The following CDH18 variants were observed in gnomAD, a reference collection of about 807,000 sequenced individuals.
CDH18 encodes cadherin-18.
Under a neutral mutation model 67.9 loss-of-function variants are expected in CDH18, and 31 were observed. The ratio of observed to expected loss-of-function variants is 0.46; its 90% CI spans 0.34 to 0.62. CDH18 has a LOEUF of 0.62. Among genes scored for constraint, CDH18 ranks in the 20% least tolerant of loss-of-function variants. CDH18 has a pLI of 0.01. For missense variants in CDH18, 890 were observed against 975.5 expected (o/e 0.91, Z 1.17); for synonymous variants, 362 against 347.2 (o/e 1.04, Z -0.48).
chr5:19,680,192 A>G (rs1371138358), intron 5 of CDH18, among the ~76,000 whole-genome samples: 1 of 152,070 alleles, frequency 6.6e-6, no homozygotes, highest in Non-Finnish European at 1.5e-5. Context: ...TTCCCTATAC[A>G]ATAAATGGTG....
chr5:19,716,311 T>C (rs925984168), intron 5 of CDH18, among the ~76,000 whole-genome samples: 3 of 152,096 alleles, frequency 2.0e-5, no homozygotes, highest in Admixed American at 1.3e-4. Context: ...ATTCTAGAAT[T>C]TGAACACAAA....
At chr5:20,043,820 A>C (rs1467273963) in intron 2 of CDH18, among the ~76,000 whole-genome samples, 1 of 152,204 alleles carries the variant, frequency 6.6e-6, no homozygotes, top group African/African-American at 2.4e-5. Flanking sequence ...TTGGTAAAAA[A>C]TATTTTAAAT....
chr5:19,632,388 CAACTGGATGCATTTAT>C (rs1373875640), intron 5 of CDH18, among the ~76,000 whole-genome samples: 1 of 152,062 alleles, frequency 6.6e-6, no homozygotes, highest in Non-Finnish European at 1.5e-5. Context: ...TTTACAATTC[CAACTGGATGCATTTAT>C]AACCACATTT....
intron 1 of CDH18, among the ~76,000 whole-genome samples, chr5:20,399,088 A>G (rs939397688): frequency 3.3e-5 from 5 of 152,316 alleles, no homozygotes; most frequent in African/African-American, 1.2e-4. Flanking sequence ...TGAACCATGG[A>G]AAGTCTGATC....
chr5:19,681,740 C>T (rs1760358236), intron 5 of CDH18, among the ~76,000 whole-genome samples: 1 of 151,850 alleles, frequency 6.6e-6, no homozygotes, highest in African/African-American at 2.4e-5. Context: ...ATTTTTTTCA[C>T]TTACTGTGCT....
At chr5:20,394,567 A>G (rs1745130275) in intron 1 of CDH18, among the ~76,000 whole-genome samples, 3 of 152,098 alleles carry the variant, frequency 2.0e-5, no homozygotes, top group South Asian at 4.1e-4. Flanking sequence ...TTCAACAAAA[A>G]CAAAAGTAAA....
At chr5:19,496,516 T>C (rs940015884) in intron 11 of CDH18, among the ~76,000 whole-genome samples, 1 of 151,950 alleles carries the variant, frequency 6.6e-6, no homozygotes, top group Non-Finnish European at 1.5e-5. Context: ...AATGCCACAG[T>C]AAAAAGGGCT....
chr5:20,386,741 CAT>C (rs1182494397), intron 1 of CDH18, among the ~76,000 whole-genome samples: 4 of 152,084 alleles, frequency 2.6e-5, no homozygotes, highest in Admixed American at 6.6e-5. Flanking sequence ...GCTGAAAACT[CAT>C]ATGAGTCTTC....
chr5:20,524,888 A>G (rs1363255150), intron 1 of CDH18, among the ~76,000 whole-genome samples: 1 of 152,190 alleles, frequency 6.6e-6, no homozygotes, highest in Non-Finnish European at 1.5e-5. Flanking sequence ...GATATAACCT[A>G]GCCCACAGGA....
intron 3 of CDH18, among the ~76,000 whole-genome samples, chr5:19,802,864 T>C (rs546283758): frequency 6.6e-6 from 1 of 152,192 alleles, no homozygotes; most frequent in Non-Finnish European, 1.5e-5. Flanking sequence ...GTAGCAGCAA[T>C]AATAGTTTAA....
At chr5:20,544,350 G>T (rs1190899598) in intron 1 of CDH18, among the ~76,000 whole-genome samples, 1 of 152,114 alleles carries the variant, frequency 6.6e-6, no homozygotes, top group Non-Finnish European at 1.5e-5. Flanking sequence ...GTGTACATAT[G>T]TGTATGTATA....
At chr5:19,508,618 A>AT (rs1744612557) in intron 10 of CDH18, among the ~76,000 whole-genome samples, 1 of 152,056 alleles carries the variant, frequency 6.6e-6, no homozygotes, top group Non-Finnish European at 1.5e-5. Context: ...ACCAGGGAGT[A>AT]TTTTTGATAT....
At chr5:20,260,220 G>C (rs1180263109) in intron 1 of CDH18, among the ~76,000 whole-genome samples, 1 of 151,418 alleles carries the variant, frequency 6.6e-6, no homozygotes, top group Non-Finnish European at 1.5e-5. Context: ...GGATTTTCTT[G>C]ATTGGGTGTT....
rs554329527 is a variant in CDH18 at position 19,587,390 on chromosome 5, G to A, written c.999+3667C>T. 1.2e-4 allele frequency among the ~76,000 whole-genome samples: 18 copies of A among 152,130 alleles called. No individual in the cohort carries two copies. The South Asian group carries it at 3.1e-3, about 26-fold the overall frequency. On this transcript the variant is annotated intron_variant, in intron 7 of 12. Coordinates refer to ENST00000382275, the MANE Select transcript of CDH18 (RefSeq NM_004934.5). ...GTGCCTATGTCCTGAAAGGTAATAC[G>A]TAGGTTTTTCTTCTAGGATTTTTAT...
chr5:20,305,258 C>T, intron 1 of CDH18: 1 of 1,392,652 alleles, frequency 7.2e-7, no homozygotes, highest in Non-Finnish European at 1.0e-6. Flanking sequence ...CCAGAAGGTA[C>T]CACTAAACCT....
At chr5:20,071,705 T>C (rs905452373) in intron 2 of CDH18, among the ~76,000 whole-genome samples, 1 of 152,108 alleles carries the variant, frequency 6.6e-6, no homozygotes, top group Non-Finnish European at 1.5e-5. Context: ...TTTATTCTTG[T>C]AATATTTGTG....
At chr5:19,894,320 A>G (rs1482908853) in intron 2 of CDH18, among the ~76,000 whole-genome samples, 2 of 152,102 alleles carry the variant, frequency 1.3e-5, no homozygotes, top group African/African-American at 4.8e-5. Flanking sequence ...ATATGAATAC[A>G]GGTTTTTCTA....
intron 2 of CDH18, among the ~76,000 whole-genome samples, chr5:20,099,502 T>G (rs1444138879): frequency 6.6e-6 from 1 of 152,182 alleles, no homozygotes; most frequent in Non-Finnish European, 1.5e-5. Context: ...CAGGATAAAA[T>G]TATTGTCTCC....
At chr5:19,686,852 G>T (rs750488775) in intron 5 of CDH18, among the ~76,000 whole-genome samples, 4 of 152,076 alleles carry the variant, frequency 2.6e-5, no homozygotes, top group African/African-American at 9.7e-5. Flanking sequence ...TTATATGCTA[G>T]TATTGAGAAT....
Sources: gnomAD v4.1 joint callset for allele counts (sites outside exome capture counted in the v4.1 genomes callset) on GRCh38, gnomAD v4.1.1 for gene constraint, MANE v1.5 for transcripts, NCBI Gene and HGNC (gene_info 2026-07-23, HGNC 2026-07-21) for gene names.